Variants in WDR70 observed in about 807,000 individuals in gnomAD.
WDR70 encodes the protein WD repeat domain 70.
A neutral mutation model predicts 88.6 loss-of-function variants in WDR70; 53 were observed. The observed-to-expected ratio is 0.60, with a 90% CI of 0.48 to 0.75. WDR70 has a LOEUF of 0.75. WDR70 is among the 30% of genes least tolerant of loss of function. The pLI is 0.00. For synonymous variants in WDR70, 280 were observed against 270.0 expected, an observed-to-expected ratio of 1.04 and a Z score of -0.36; for missense variants, 610 against 823.2, an observed-to-expected ratio of 0.74 and a Z score of 3.17.
At chr5:37,426,560 C>T (rs1316518719) in intron 5 of WDR70, among the ~76,000 whole-genome samples, 4 of 152,198 alleles carry the variant, frequency 2.6e-5, no homozygotes, top group African/African-American at 9.7e-5. Context: ...GCCTTACTTA[C>T]ATAGCGGGTG....
chr5:37,678,178 T>C (rs1254716136), intron 10 of WDR70, among the ~76,000 whole-genome samples: 1 of 152,226 alleles, frequency 6.6e-6, no homozygotes, highest in African/African-American at 2.4e-5. Flanking sequence ...GTCTTGACTC[T>C]TTATCCAATT....
At chr5:37,706,759 A>ACT (rs976815676) in intron 13 of WDR70, among the ~76,000 whole-genome samples, 8 of 148,680 alleles carry the variant, frequency 5.4e-5, no homozygotes, top group South Asian at 2.2e-4. Flanking sequence ...TCACACTCAC[A>ACT]CTCTCTCTCT....
At chr5:37,649,645 T>C (rs182072870) in intron 10 of WDR70, among the ~76,000 whole-genome samples, 375 of 151,708 alleles carry the variant, frequency 2.5e-3, no homozygotes, top group African/African-American at 8.8e-3. Flanking sequence ...ATTGTCTCAC[T>C]GGGTTGTCAT....
intron 9 of WDR70, among the ~76,000 whole-genome samples, chr5:37,535,663 T>C (rs1250141493): frequency 6.6e-6 from 1 of 152,208 alleles, no homozygotes; most frequent in Non-Finnish European, 1.5e-5. Context: ...TGAGGTAACA[T>C]TGGGATACTA....
At chr5:37,482,136 A>G (rs1222980618) in intron 8 of WDR70, among the ~76,000 whole-genome samples, 1 of 152,156 alleles carries the variant, frequency 6.6e-6, no homozygotes, top group Admixed American at 6.6e-5. Context: ...GGAAGTTCCA[A>G]ACTTTCCCAC....
chr5:37,718,525 G>A (rs944355450), intron 13 of WDR70, among the ~76,000 whole-genome samples: 12 of 152,096 alleles, frequency 7.9e-5, no homozygotes, highest in African/African-American at 2.9e-4. Flanking sequence ...GCCATTTATG[G>A]GTGGCTGAGA....
chr5:37,417,915 T>C (rs954213504), intron 5 of WDR70, among the ~76,000 whole-genome samples: 4 of 152,182 alleles, frequency 2.6e-5, no homozygotes, highest in African/African-American at 9.7e-5. Context: ...AGTGTATACA[T>C]AGCAAATTGC....
chr5:37,695,221 C>T (rs1027839113), intron 10 of WDR70, among the ~76,000 whole-genome samples: 1 of 152,156 alleles, frequency 6.6e-6, no homozygotes, highest in African/African-American at 2.4e-5. Context: ...CACCCACTAT[C>T]ATGAGGACAG....
At chr5:37,415,148 A>G (rs903926723) in intron 5 of WDR70, among the ~76,000 whole-genome samples, 6 of 151,090 alleles carry the variant, frequency 4.0e-5, no homozygotes, top group African/African-American at 1.5e-4. Context: ...TTTTCTTAGT[A>G]CAGAACAAAA....
At chr5:37,399,900 G>C (rs1271062229) in intron 5 of WDR70, among the ~76,000 whole-genome samples, 2 of 152,022 alleles carry the variant, frequency 1.3e-5, no homozygotes, top group African/African-American at 4.8e-5. Context: ...TTAACTTCGT[G>C]TAGAATACAG....
chr5:37,624,210 C>T (rs1235176600), intron 10 of WDR70, among the ~76,000 whole-genome samples: 1 of 152,154 alleles, frequency 6.6e-6, no homozygotes, highest in East Asian at 1.9e-4. Flanking sequence ...TCCCTTCCCT[C>T]TACCCTTCTC....
intron 3 of WDR70, among the ~76,000 whole-genome samples, chr5:37,387,535 T>G (rs1458951374): frequency 6.6e-6 from 1 of 152,198 alleles, no homozygotes; most frequent in African/African-American, 2.4e-5. Flanking sequence ...CACATGAATC[T>G]AAATTGATTA....
At chr5:37,734,510 CTAAA>C (rs1393282064) in intron 17 of WDR70, among the ~76,000 whole-genome samples, 2 of 151,600 alleles carry the variant, frequency 1.3e-5, no homozygotes, top group Admixed American at 6.6e-5. Context: ...GAGACAGACA[CTAAA>C]TAAATATATA....
At chr5:37,452,681 C>G (rs1444146727) in intron 7 of WDR70, among the ~76,000 whole-genome samples, 3 of 152,182 alleles carry the variant, frequency 2.0e-5, no homozygotes, top group Non-Finnish European at 4.4e-5. Flanking sequence ...TGTATTATTC[C>G]TATATTATCC....
At chr5:37,545,331 AGT>A (rs755319273) in intron 9 of WDR70, among the ~76,000 whole-genome samples, 9 of 152,164 alleles carry the variant, frequency 5.9e-5, no homozygotes, top group African/African-American at 9.7e-5. Flanking sequence ...CAATTGGCAT[AGT>A]GTGTGATTTT....
intron 9 of WDR70, among the ~76,000 whole-genome samples, chr5:37,542,150 T>C (rs1225021130): frequency 6.6e-6 from 1 of 152,176 alleles, no homozygotes; most frequent in African/African-American, 2.4e-5. Flanking sequence ...AAATACATAG[T>C]CAACCATGAT....
chr5:37,645,137 C>T (rs1745199437), intron 10 of WDR70, among the ~76,000 whole-genome samples: 1 of 148,892 alleles, frequency 6.7e-6, no homozygotes, highest in African/African-American at 2.5e-5. Context: ...CTTGGTACTG[C>T]TGTTGCTGTA....
intron 17 of WDR70, among the ~76,000 whole-genome samples, chr5:37,740,814 T>C (rs1748451244): frequency 6.6e-6 from 1 of 152,188 alleles, no homozygotes; most frequent in Non-Finnish European, 1.5e-5. Context: ...AAATACAAAT[T>C]CTTACTCCAC....
At chr5:37,380,097 A>G (rs1748378480) in intron 2 of WDR70, among the ~76,000 whole-genome samples, 1 of 152,234 alleles carries the variant, frequency 6.6e-6, no homozygotes, top group African/African-American at 2.4e-5. Context: ...AATTATTTAA[A>G]AAATGAAAAC....
Sources: gnomAD v4.1 joint callset for allele counts (sites outside exome capture counted in the v4.1 genomes callset) on GRCh38, gnomAD v4.1.1 for gene constraint, MANE v1.5 for transcripts, NCBI Gene and HGNC (gene_info 2026-07-23, HGNC 2026-07-21) for gene names.